Variants in SUMF1 observed in about 807,000 individuals in gnomAD.
The protein encoded by SUMF1 is formylglycine-generating enzyme.
In SUMF1, 48 loss-of-function variants were observed where a neutral mutation model predicts 47.6. The observed-to-expected ratio is 1.01, with a 90% CI of 0.80 to 1.28. The LOEUF (loss-of-function observed/expected upper bound fraction) is 1.28, where lower values mean the gene tolerates loss of function less well. Among genes scored for constraint, SUMF1 ranks in the 50% most tolerant of loss-of-function variants. SUMF1 has a pLI of 0.00. For synonymous variants in SUMF1, 230 were observed against 192.1 expected (o/e 1.20, Z -1.63); for missense variants, 571 against 485.4 (o/e 1.18, Z -1.66).
intron 8 of SUMF1, among the ~76,000 whole-genome samples, chr3:4,105,138 C>T (rs969287993): frequency 6.6e-6 from 1 of 152,070 alleles, no homozygotes; most frequent in African/African-American, 2.4e-5. Context: ...GACAGAAAGG[C>T]AAATACTGCA....
chr3:4,358,939 G>C (rs1699681606), downstream of SUMF1, among the ~76,000 whole-genome samples: 1 of 151,956 alleles, frequency 6.6e-6, no homozygotes, highest in South Asian at 2.1e-4. Context: ...AATGCCAGTG[G>C]AGATTGAATT....
At position 4,237,819 on chromosome 3, in the gene SUMF1, T is replaced by G. The variant is rs897967023; in HGVS notation, c.1014+138511A>C. Among the ~76,000 whole-genome samples the G allele has an allele frequency of 2.6e-5, 4 of 152,278 alleles. No homozygotes were observed. The East Asian group carries it at 5.8e-4, about 22-fold the overall frequency. The stretch of plus-strand genomic sequence containing the variant: ...TAAATACTTTAAGTGCTGGGATACA[T>G]GTACAGAAAGTGCATGTTTGTTACA... On this transcript the variant is annotated intron_variant and NMD_transcript_variant, in intron 8 of 12. Coordinates refer to the SUMF1 transcript ENST00000448413.
In SUMF1 at chr3:4,427,738, G is replaced by A. The variant is rs148417183; in HGVS notation, c.520-7592C>T. Among the ~76,000 whole-genome samples the A allele has an allele frequency of 5.8e-3, 882 of 152,202 alleles. 4 individuals carry two copies. The highest frequency in any genetic ancestry group is 0.01 in the Middle Eastern group (3 of 294). On this transcript the variant is annotated intron_variant, in intron 3 of 8. Coordinates refer to ENST00000272902, the MANE Select transcript of SUMF1 (RefSeq NM_182760.4). Reference sequence around the variant, plus strand: ...ATGCTATAATACATTGCATTCCCAAGGCACACAATCAGTAATCAGTACACT... The same window carrying A: ...ATGCTATAATACATTGCATTCCCAAAGCACACAATCAGTAATCAGTACACT...
intron 8 of SUMF1, among the ~76,000 whole-genome samples, chr3:4,322,785 C>T (rs1351971312): frequency 6.6e-6 from 1 of 152,132 alleles, no homozygotes; most frequent in Non-Finnish European, 1.5e-5. Context: ...AGCAGTTTGG[C>T]AGTTTCTCAA....
intron 8 of SUMF1, among the ~76,000 whole-genome samples, chr3:4,204,505 G>C (rs889868604): frequency 2.0e-5 from 3 of 152,012 alleles, no homozygotes; most frequent in Non-Finnish European, 4.4e-5. Context: ...TCTTGTGCTT[G>C]AATATTGTTA....
chr3:4,158,573 G>A (rs1694506082), intron 8 of SUMF1, among the ~76,000 whole-genome samples: 1 of 151,172 alleles, frequency 6.6e-6, no homozygotes, highest in South Asian at 2.1e-4. Context: ...GTTGTATTGG[G>A]GTCTATCTCT....
At chr3:4,089,413 C>G (rs11928143) in intron 8 of SUMF1, among the ~76,000 whole-genome samples, 22,727 of 151,864 alleles carry the variant, frequency 0.15, 3,609 homozygotes, top group African/African-American at 0.39. Flanking sequence ...AAGCTACTTG[C>G]TCTATTAGAG....
chr3:4,045,067 T>C (rs1694980950), intron 9 of SUMF1, among the ~76,000 whole-genome samples: 1 of 152,198 alleles, frequency 6.6e-6, no homozygotes, highest in Non-Finnish European at 1.5e-5. Flanking sequence ...CTGCAATCCT[T>C]ATTTATTCAA....
intron 9 of SUMF1, among the ~76,000 whole-genome samples, chr3:4,041,096 A>G (rs1455250008): frequency 2.0e-5 from 3 of 152,164 alleles, no homozygotes; most frequent in African/African-American, 7.2e-5. Flanking sequence ...TTTTTGAGAC[A>G]GAATCTCACT....
intron 7 of SUMF1, among the ~76,000 whole-genome samples, chr3:4,384,619 A>G (rs557504412): frequency 4.6e-5 from 7 of 152,270 alleles, no homozygotes; most frequent in Non-Finnish European, 8.8e-5. Context: ...TCCACTCAGC[A>G]TAATTCTCCG....
chr3:4,368,265 T>C (rs1280561169), intron 8 of SUMF1, among the ~76,000 whole-genome samples: 1 of 152,142 alleles, frequency 6.6e-6, no homozygotes, highest in Non-Finnish European at 1.5e-5. Context: ...ATCAGAGAAA[T>C]GCAAATCAAA....
chr3:4,406,769 C>T (rs924813328), intron 7 of SUMF1, among the ~76,000 whole-genome samples: 1 of 152,176 alleles, frequency 6.6e-6, no homozygotes. Flanking sequence ...TCACAGATCA[C>T]CCCATCCTGT....
At chr3:4,153,399 A>C (rs549929919) in intron 8 of SUMF1, among the ~76,000 whole-genome samples, 1 of 151,254 alleles carries the variant, frequency 6.6e-6, no homozygotes, top group African/African-American at 2.5e-5. Context: ...TATTTTTTGT[A>C]GAGTTAGGAT....
intron 8 of SUMF1, among the ~76,000 whole-genome samples, chr3:4,104,620 C>G (rs1002355059): frequency 6.6e-6 from 1 of 151,756 alleles, no homozygotes; most frequent in Non-Finnish European, 1.5e-5. Flanking sequence ...AGGTTGGTGT[C>G]CTGTACTAAA....
intron 8 of SUMF1, among the ~76,000 whole-genome samples, chr3:4,220,535 C>T (rs909917194): frequency 1.3e-5 from 2 of 152,150 alleles, no homozygotes; most frequent in Non-Finnish European, 1.5e-5. Context: ...CTCACTTCCT[C>T]TCTTCTCTCT....
intron 8 of SUMF1, among the ~76,000 whole-genome samples, chr3:4,240,688 A>G (rs772556312): frequency 2.0e-5 from 3 of 152,006 alleles, no homozygotes; most frequent in Non-Finnish European, 2.9e-5. Context: ...AGTATATTAT[A>G]CCCATTTCAT....
chr3:4,157,500 C>T (rs975845593), intron 8 of SUMF1, among the ~76,000 whole-genome samples: 2 of 151,478 alleles, frequency 1.3e-5, no homozygotes, highest in Non-Finnish European at 2.9e-5. Flanking sequence ...TAGTTCTCTT[C>T]TTAGTTTTAT....
intron 8 of SUMF1, among the ~76,000 whole-genome samples, chr3:4,336,645 A>G (rs536219885): frequency 6.6e-6 from 1 of 152,250 alleles, no homozygotes; most frequent in Non-Finnish European, 1.5e-5. Flanking sequence ...AACAAATTAT[A>G]TGGAAAAATA....
intron 8 of SUMF1, among the ~76,000 whole-genome samples, chr3:4,248,873 C>A (rs1009681505): frequency 2.0e-5 from 3 of 152,210 alleles, no homozygotes; most frequent in Non-Finnish European, 4.4e-5. Flanking sequence ...TTCCCACCTA[C>A]CCACACTGTG....
Sources: allele counts gnomAD v4.1 joint callset (sites outside exome capture counted in the v4.1 genomes callset), GRCh38; gene constraint gnomAD v4.1.1; transcripts MANE v1.5; gene names NCBI Gene and HGNC (gene_info 2026-07-23, HGNC 2026-07-21).